ONECUT1: variants seen among roughly 807,000 people sequenced by gnomAD.
ONECUT1 encodes one cut homeobox 1.
A neutral mutation model predicts 25.6 loss-of-function variants in ONECUT1; 12 were observed. The ratio of observed to expected loss-of-function variants is 0.47; its 90% confidence interval spans 0.30 to 0.76. ONECUT1 has a LOEUF of 0.76. ONECUT1 is among the 30% of genes least tolerant of loss of function. ONECUT1 has a pLI of 0.07. For synonymous variants in ONECUT1, 285 were observed against 270.2 expected (o/e 1.05, Z -0.54); for missense variants, 620 against 651.2 (o/e 0.95, Z 0.52).
chr15:52,786,852 G>C (rs952932351), intron 1 of ONECUT1, among the ~76,000 whole-genome samples: 1 of 143,432 alleles, frequency 7.0e-6, no homozygotes, highest in East Asian at 2.4e-4. Context: ...GGGGGTGGGG[G>C]ATGGGGACCG....
chr15:52,766,393 A>G (rs1253535129), intron 1 of ONECUT1, among the ~76,000 whole-genome samples: 1 of 152,038 alleles, frequency 6.6e-6, no homozygotes, highest in Non-Finnish European at 1.5e-5. Context: ...GGATGGTGAA[A>G]TGGGGGCAAG....
rs762733634 is a variant in ONECUT1 at position 52,780,596 on chromosome 15, C to T, written c.1105+8184G>A. ...CATTTAATAGCAAAGATTAAATTGC[C>T]TTAATGAACGATTTTTGTGACTCCA... On this transcript the variant is annotated intron_variant, in intron 1 of 1. Coordinates refer to ENST00000305901, the MANE Select transcript of ONECUT1 (RefSeq NM_004498.4). 22 of 1,535,286 alleles carry T rather than the reference C, an allele frequency of 1.4e-5. 1 individual carries two copies. The highest frequency in any genetic ancestry group is 1.1e-4 in the South Asian group (9 of 84,028).
chr15:52,778,137 T>C (rs1036775817), intron 1 of ONECUT1, among the ~76,000 whole-genome samples: 3 of 152,190 alleles, frequency 2.0e-5, no homozygotes, highest in Non-Finnish European at 4.4e-5. Flanking sequence ...ATATGTAAGA[T>C]ATGAAGCACA....
chr15:52,784,652 C>A lies in ONECUT1; in HGVS notation c.1105+4128G>T, dbSNP rs2083862325. Reference sequence around the variant, plus strand: ...ACACAGGGGGAACTATGGTCCTACACCCTCGAGGGGACAGACACCGGCCGT... The same window carrying A: ...ACACAGGGGGAACTATGGTCCTACAACCTCGAGGGGACAGACACCGGCCGT... On this transcript the variant is annotated intron_variant, in intron 1 of 1. Transcript: ENST00000305901. This position sits in a 1 kb window ranked among gnomAD's most constrained non-coding sequence, Gnocchi z 5.0. Among the ~76,000 whole-genome samples the A allele has an allele frequency of 6.6e-6, 1 of 152,240 alleles. No homozygotes were observed. Among genetic ancestry groups the A allele is most frequent in the Non-Finnish European group, 1.5e-5 (1 of 68,040 alleles).
intron 1 of ONECUT1, among the ~76,000 whole-genome samples, chr15:52,781,716 A>G (rs1375715541): frequency 2.0e-5 from 3 of 152,258 alleles, no homozygotes; most frequent in Non-Finnish European, 2.9e-5. Context: ...CTGGGAGTTT[A>G]TAAAAATCCA....
Position 52,789,879 on chromosome 15 carries a change from G to C in ONECUT1, c.6C>G (p.Asn2Lys). The change falls in exon 1 of 2, where the codon AAC (asparagine) becomes AAG (lysine). Residue 2 changes from asparagine to lysine, a missense_variant. By Grantham distance (94) the Asn-to-Lys change is moderately conservative. This residue lies in a region of ONECUT1 where 440 missense variants were observed against 404.9 expected (regional missense o/e 1.09). Transcript: ENST00000305901. This position sits in a 1 kb window ranked among gnomAD's most constrained non-coding sequence, Gnocchi z 4.1. ...CGATCGCTTCCATGGTCAGCTGCGC[G>C]TTCATCGTGATCCGGGCGAGCAGGC... is the stretch of plus-strand genomic sequence containing the variant. M[N>K]AQLTMEAIGE... 6.5e-7 allele frequency: 1 copy of C among 1,537,830 alleles called. No individual in the cohort carries two copies. The highest frequency in any genetic ancestry group is 8.7e-7 in the Non-Finnish European group (1 of 1,152,464).
Position 52,789,166 on chromosome 15 carries a change from C to A in ONECUT1, c.719G>T (p.Gly240Val), listed in dbSNP as rs750923639. 5.0e-6 allele frequency: 8 copies of A among 1,589,380 alleles called. No individual in the cohort carries two copies. The highest frequency in any genetic ancestry group is 1.7e-4 in the Middle Eastern group (1 of 6,034). Residue 240 changes from glycine to valine, a missense_variant, in exon 1 of 2, where the codon GGC becomes GTC. Gly to Val is a moderately radical substitution (Grantham distance 109). Coordinates refer to ENST00000305901, the MANE Select transcript of ONECUT1 (RefSeq NM_004498.4). The surrounding 1 kb of genome is among the most constrained non-coding windows in gnomAD (Gnocchi z 4.1). ...AGGAAGGCCGTTGATGGGCACCATG[C>A]CGGCCGAGGTGGGCGTGAGGTGCTG... ...GEQHLTPTSA[G>V]MVPINGLPPH...
At chr15:52,777,729 C>CAAAAAAAAAAAAAAAAAAAA (rs1309303644) in intron 1 of ONECUT1, among the ~76,000 whole-genome samples, 2 of 87,342 alleles carry the variant, frequency 2.3e-5, no homozygotes, top group African/African-American at 1.7e-4. Context: ...CACACACACA[C>CAAAAAAAAAAAAAAAAAAAA]ACACACACAA....
At position 52,788,460 on chromosome 15, in the gene ONECUT1, A is replaced by T; in HGVS notation, c.1105+320T>A. ...ACTGAGAGGTGGCGCAGAGTGTCTC[A>T]CCAGGTGCGGGGATTTCTCTCCGCC... On this transcript the variant is annotated intron_variant, in intron 1 of 1. Coordinates refer to ENST00000305901, the MANE Select transcript of ONECUT1 (RefSeq NM_004498.4). This position sits in a 1 kb window ranked among gnomAD's most constrained non-coding sequence, Gnocchi z 4.3. 1 of 337,934 alleles carries T rather than the reference A, an allele frequency of 3.0e-6. No individual in the cohort carries two copies. The highest frequency in any genetic ancestry group is 5.5e-6 in the Non-Finnish European group (1 of 182,724). 20.9% of individuals were successfully genotyped at this position (337,934 alleles called of 1,614,324 possible).
At chr15:52,761,271 C>T (rs1255751158) in intron 1 of ONECUT1, among the ~76,000 whole-genome samples, 1 of 152,146 alleles carries the variant, frequency 6.6e-6, no homozygotes, top group African/African-American at 2.4e-5. Context: ...TTCACCACCC[C>T]CAGGGGGATT....
Position 52,789,633 on chromosome 15 carries a change from A to G in ONECUT1, c.252T>C (p.His84=). The change falls in exon 1 of 2, where the codon CAT becomes CAC. Residue 84 remains histidine (H), a synonymous_variant. Transcript: ENST00000305901. This position sits in a 1 kb window ranked among gnomAD's most constrained non-coding sequence, Gnocchi z 4.1. ...APEHSLAGPL[H]PTMTMACETP... is the part of the protein sequence containing the mutation. ...TCTCGCAGGCCATGGTCATGGTGGG[A>G]TGCAGGGGGCCGGCCAGGCTGTGCT... 6.4e-7 allele frequency: 1 copy of G among 1,554,144 alleles called. No homozygotes were observed. The highest frequency in any genetic ancestry group is 1.2e-5 in the South Asian group (1 of 81,432).
At chr15:52,763,242 A>C (rs1296047905) in intron 1 of ONECUT1, among the ~76,000 whole-genome samples, 1 of 152,156 alleles carries the variant, frequency 6.6e-6, no homozygotes, top group East Asian at 1.9e-4. Flanking sequence ...ATTCACTGGC[A>C]AAGTATATCA....
At chr15:52,783,513 C>T (rs77304895) in intron 1 of ONECUT1, among the ~76,000 whole-genome samples, 6,177 of 152,322 alleles carry the variant, frequency 0.041, 420 homozygotes, top group East Asian at 0.29. Flanking sequence ...TGTCCAGGGT[C>T]CTGACTCCGC....
chr15:52,780,852 C>A, intron 1 of ONECUT1: 1 of 1,342,720 alleles, frequency 7.4e-7, no homozygotes. Context: ...AAAACGAAAG[C>A]AGTGATTTCA....
In ONECUT1 at chr15:52,789,597, A is replaced by C. The variant is rs1596060257; in HGVS notation, c.288T>G (p.Gly96=). Residue 96 remains glycine (G), a synonymous_variant, in exon 1 of 2, where the codon GGT becomes GGG. Transcript: ENST00000305901. The surrounding 1 kb of genome is among the most constrained non-coding windows in gnomAD (Gnocchi z 4.1). ...TMTMACETPP[G]MSMPTTYTTL... The stretch of plus-strand genomic sequence containing the variant: ...TGGTGTAGGTGGTGGGCATGCTCAT[A>C]CCTGGGGGAGTCTCGCAGGCCATGG... The C allele has an allele frequency of 1.3e-6, 2 of 1,569,980 alleles. No homozygotes were observed. The highest frequency in any genetic ancestry group is 1.7e-6 in the Non-Finnish European group (2 of 1,155,646).
chr15:52,766,788 A>G (rs2083736969), intron 1 of ONECUT1, among the ~76,000 whole-genome samples: 1 of 152,180 alleles, frequency 6.6e-6, no homozygotes, highest in Non-Finnish European at 1.5e-5. Flanking sequence ...CGGGAAAGTC[A>G]TTGGAGCCTC....
At chr15:52,769,984 G>T (rs1424648249) in intron 1 of ONECUT1, among the ~76,000 whole-genome samples, 1 of 152,232 alleles carries the variant, frequency 6.6e-6, no homozygotes, top group Non-Finnish European at 1.5e-5. Context: ...TTCAAGGGAT[G>T]AAAGACTCAA....
intron 1 of ONECUT1, among the ~76,000 whole-genome samples, chr15:52,777,697 AACACACACACACACAC>A (rs369734028): frequency 3.3e-5 from 4 of 122,144 alleles, no homozygotes; most frequent in Non-Finnish European, 6.6e-5. Flanking sequence ...CTTCCTGGAA[AACACACACACACACAC>A]ACACACACAC....
At chr15:52,767,480 T>C (rs1028873923) in intron 1 of ONECUT1, among the ~76,000 whole-genome samples, 14 of 152,284 alleles carry the variant, frequency 9.2e-5, no homozygotes, top group Admixed American at 2.6e-4. Context: ...CGCTGGTCAT[T>C]CACGCGCATG....
Sources: allele counts gnomAD v4.1 joint callset (sites outside exome capture counted in the v4.1 genomes callset), GRCh38; gene constraint gnomAD v4.1.1; regional missense constraint gnomAD v4.1.1; non-coding constraint Gnocchi (gnomAD v3.1); transcripts MANE v1.5; gene names NCBI Gene and HGNC (gene_info 2026-07-23, HGNC 2026-07-21).